ALMS1: variants seen among roughly 807,000 people sequenced by gnomAD.
The protein encoded by ALMS1 is ALMS1 centrosome and basal body associated protein.
In ALMS1, 271 loss-of-function variants were observed where a neutral mutation model predicts 352.2. That is an observed-to-expected ratio of 0.77 (90% CI 0.70 to 0.85). ALMS1 has a LOEUF of 0.85. ALMS1 is among the 40% of genes least tolerant of loss of function. The pLI, the probability that ALMS1 is intolerant of heterozygous loss-of-function variation, is 0.00. For missense variants in ALMS1, 5,445 were observed against 4,870.7 expected, an observed-to-expected ratio of 1.12 and a Z score of -3.51; for synonymous variants, 1,865 against 1,761.2, an observed-to-expected ratio of 1.06 and a Z score of -1.48.
chr2:73,508,849 G>T (rs889883208), intron 10 of ALMS1, among the ~76,000 whole-genome samples: 2 of 152,110 alleles, frequency 1.3e-5, no homozygotes, highest in African/African-American at 4.8e-5. Flanking sequence ...TTACCGTGTG[G>T]GAGTCTAAGT....
chr2:73,576,664 A>G (rs140081968), intron 16 of ALMS1, among the ~76,000 whole-genome samples: 2,912 of 149,410 alleles, frequency 0.019, 110 homozygotes, highest in African/African-American at 0.066. Context: ...CTTGTTGCCC[A>G]GGCTGGAGTG....
chr2:73,482,767 G>T (rs1237335718), intron 9 of ALMS1, among the ~76,000 whole-genome samples: 14 of 151,800 alleles, frequency 9.2e-5, no homozygotes, highest in Admixed American at 9.2e-4. Context: ...CCTGTTATTG[G>T]TCTATTCAGA....
intron 21 of ALMS1, among the ~76,000 whole-genome samples, chr2:73,607,764 C>T (rs1675846032): frequency 6.6e-6 from 1 of 151,912 alleles, no homozygotes; most frequent in South Asian, 2.1e-4. Flanking sequence ...CTGCCTCAGC[C>T]TCCTGAGTAG....
chr2:73,478,905 G>A (rs1055305671), intron 9 of ALMS1, among the ~76,000 whole-genome samples: 1 of 151,932 alleles, frequency 6.6e-6, no homozygotes, highest in South Asian at 2.1e-4. Context: ...TGTTCTCATT[G>A]TTCAACTCCC....
chr2:73,511,625 G>A (rs1436419456), intron 10 of ALMS1, among the ~76,000 whole-genome samples: 5 of 152,134 alleles, frequency 3.3e-5, no homozygotes, highest in Admixed American at 1.3e-4. Context: ...CATCTTGCCC[G>A]GGAATCCCTC....
chr2:73,603,417 G>A, intron 21 of ALMS1, 113 bp downstream of exon 21: 1 of 949,984 alleles, frequency 1.1e-6, no homozygotes, highest in Non-Finnish European at 1.7e-6. Flanking sequence ...TAAACATTAT[G>A]AGAAAGTTGT....
At chr2:73,414,489 G>GGTTTTTTTTTTTTTTT (rs201673681) in intron 2 of ALMS1, among the ~76,000 whole-genome samples, 1 of 94,250 alleles carries the variant, frequency 1.1e-5, no homozygotes, top group African/African-American at 4.5e-5. Context: ...TTTTTTTTTT[G>GGTTTTTTTTTTTTTTT]TTTTTTTTTT....
rs576692672 is a variant in ALMS1, at chr2:73,530,012, T to C, written c.9782-4812T>C. Among the ~76,000 whole-genome samples the C allele has an allele frequency of 2.0e-5, 3 of 152,200 alleles. No homozygotes were observed. In the East Asian group the frequency reaches 5.8e-4, roughly 29 times the overall value. ...AGGTCCCTCCCTCAACATGTGGGGATTACAATTTGAGATGAGATTTGGCTA... is the reference window on the plus strand; with the variant it reads ...AGGTCCCTCCCTCAACATGTGGGGACTACAATTTGAGATGAGATTTGGCTA... On this transcript the variant is annotated intron_variant, in intron 11 of 22. Transcript: ENST00000613296.
At chr2:73,396,543 C>G (rs1572898058) in intron 1 of ALMS1, among the ~76,000 whole-genome samples, 2 of 107,152 alleles carry the variant, frequency 1.9e-5, no homozygotes, top group African/African-American at 7.3e-5. Context: ...TCAAATGGGT[C>G]TGAGCTCTTT....
chr2:73,492,549 TC>T (rs954743674), intron 10 of ALMS1, among the ~76,000 whole-genome samples: 1 of 152,162 alleles, frequency 6.6e-6, no homozygotes, highest in Non-Finnish European at 1.5e-5. Flanking sequence ...TTCCAACACT[TC>T]CAACCATGAT....
At chr2:73,473,160 A>C (rs1449675342) in intron 9 of ALMS1, among the ~76,000 whole-genome samples, 1 of 152,096 alleles carries the variant, frequency 6.6e-6, no homozygotes, top group Non-Finnish European at 1.5e-5. Flanking sequence ...GCTCTGCCTA[A>C]CTAAGTAGGA....
At position 73,452,829 on chromosome 2, in the gene ALMS1, C is replaced by A. The variant is rs28730854; in HGVS notation, c.6302C>A (p.Ser2101Ter). The A allele has an allele frequency of 2.5e-5, 41 of 1,613,556 alleles. No individual in the cohort carries two copies. Among genetic ancestry groups the A allele is most frequent in the African/African-American group, 1.1e-4 (8 of 74,886 alleles). ...AGTTCTTATTTTCACAGAGAGAAAT[C>A]GAATATTTTCAGTCCACAGGAATTG... ...LSSSYFHREK[S>*]NIFSPQELPG... The change falls in exon 8 of 23, where the codon TCG (serine) becomes TAG (stop). Residue 2101 changes from serine to a stop codon, truncating the protein, a stop_gained. Transcript: ENST00000613296. LOFTEE classifies it high-confidence loss of function.
intron 9 of ALMS1, among the ~76,000 whole-genome samples, chr2:73,485,486 G>T (rs1228563785): frequency 6.6e-6 from 1 of 152,246 alleles, no homozygotes; most frequent in Non-Finnish European, 1.5e-5. Context: ...AAAGCTGTCA[G>T]ACAGGGACAT....
intron 9 of ALMS1, chr2:73,456,644 T>C (rs530111473): frequency 6.6e-6 from 1 of 152,206 alleles, no homozygotes; most frequent in African/African-American, 2.4e-5. Context: ...TCCAGTGATA[T>C]AGTTTATTTG....
At position 73,548,224 on chromosome 2, in the gene ALMS1, T is replaced by C. The variant is rs1267556574; in HGVS notation, c.9908-2043T>C. Among the ~76,000 whole-genome samples the C allele has an allele frequency of 2.6e-5, 4 of 152,330 alleles. No homozygotes were observed. The East Asian group carries it at 7.7e-4, about 29-fold the overall frequency. ...GGTGGCATTATTCACATTATAAATA[T>C]ATACTTTTATGAAAACATACAGATG... On this transcript the variant is annotated intron_variant, in intron 12 of 22. Coordinates refer to ENST00000613296, the MANE Select transcript of ALMS1 (RefSeq NM_001378454.1).
chr2:73,407,237 G>A (rs1178346325), intron 1 of ALMS1, among the ~76,000 whole-genome samples: 1 of 152,066 alleles, frequency 6.6e-6, no homozygotes, highest in African/African-American at 2.4e-5. Flanking sequence ...CCACTCTCAT[G>A]ATAAGCCATT....
intron 11 of ALMS1, among the ~76,000 whole-genome samples, chr2:73,523,894 C>T (rs1480262841): frequency 6.6e-6 from 1 of 151,974 alleles, no homozygotes; most frequent in Non-Finnish European, 1.5e-5. Context: ...AGGAGTCCAT[C>T]TAGAAATGGT....
intron 1 of ALMS1, among the ~76,000 whole-genome samples, chr2:73,406,989 T>G (rs1670985971): frequency 6.6e-6 from 1 of 152,246 alleles, no homozygotes; most frequent in Non-Finnish European, 1.5e-5. Flanking sequence ...TATATATTGT[T>G]TAACCATTAA....
intron 9 of ALMS1, among the ~76,000 whole-genome samples, chr2:73,475,824 ATTTAGT>A (rs1672571595): frequency 6.6e-6 from 1 of 151,988 alleles, no homozygotes; most frequent in South Asian, 2.1e-4. Flanking sequence ...CTTCTGAGAG[ATTTAGT>A]TTTAGTTTTT....
Sources: gnomAD v4.1 joint callset for allele counts (sites outside exome capture counted in the v4.1 genomes callset) on GRCh38, gnomAD v4.1.1 for gene constraint, MANE v1.5 for transcripts, NCBI Gene and HGNC (gene_info 2026-07-23, HGNC 2026-07-21) for gene names.